The following MAPK8 variants were observed in gnomAD, a reference collection of about 807,000 sequenced individuals.
The protein encoded by MAPK8 is JUN N-terminal kinase.
A neutral mutation model predicts 52.9 loss-of-function variants in MAPK8; 13 were observed. That is an observed-to-expected ratio of 0.25 (90% CI 0.16 to 0.39). The LOEUF is 0.39. Among genes scored for constraint, MAPK8 ranks in the 10% least tolerant of loss-of-function variants. The probability of loss-of-function intolerance (pLI) is 1.00; values close to 1 mark genes in which losing one functional copy is unlikely to be tolerated. For synonymous variants in MAPK8, 191 were observed against 169.8 expected, an observed-to-expected ratio of 1.12 and a Z score of -0.97; for missense variants, 300 against 519.2, an observed-to-expected ratio of 0.58 and a Z score of 4.10.
intron 1 of MAPK8, among the ~76,000 whole-genome samples, chr10:48,325,301 T>G (rs1843405033): frequency 6.6e-6 from 1 of 152,216 alleles, no homozygotes; most frequent in South Asian, 2.1e-4. Flanking sequence ...CCTTTCCCTC[T>G]TGTCAACTGG....
chr10:48,354,619 A>G (rs1344452782), intron 1 of MAPK8, among the ~76,000 whole-genome samples: 4 of 152,224 alleles, frequency 2.6e-5, no homozygotes, highest in South Asian at 4.1e-4. Flanking sequence ...TGTACCTCTA[A>G]TAAGTTTCCA....
intron 1 of MAPK8, among the ~76,000 whole-genome samples, chr10:48,322,441 T>C (rs1843091271): frequency 6.6e-6 from 1 of 152,198 alleles, no homozygotes; most frequent in South Asian, 2.1e-4. Context: ...AGAGAGGATT[T>C]TTGTTGACTT....
chr10:48,399,032 C>G (rs562580535), intron 1 of MAPK8, among the ~76,000 whole-genome samples: 2 of 152,252 alleles, frequency 1.3e-5, no homozygotes, highest in South Asian at 4.1e-4. Flanking sequence ...GCCTAGAAAG[C>G]TCTCTCCTCT....
intron 1 of MAPK8, among the ~76,000 whole-genome samples, chr10:48,365,857 C>T (rs1847983079): frequency 6.6e-6 from 1 of 152,248 alleles, no homozygotes; most frequent in African/African-American, 2.4e-5. Context: ...TTACAATTAT[C>T]TCTTGATGAA....
intron 1 of MAPK8, among the ~76,000 whole-genome samples, chr10:48,316,727 A>G (rs1447416950): frequency 1.3e-5 from 2 of 152,196 alleles, no homozygotes; most frequent in African/African-American, 4.8e-5. Context: ...TTATAAAATT[A>G]TATGGTAGTT....
intron 9 of MAPK8, chr10:48,426,842 T>A: frequency 2.0e-6 from 1 of 491,248 alleles, no homozygotes; most frequent in Non-Finnish European, 3.6e-6. Context: ...GTGATATAAA[T>A]AAAATGTGGC....
chr10:48,313,278 C>T (rs1267207390), intron 1 of MAPK8, among the ~76,000 whole-genome samples: 1 of 152,096 alleles, frequency 6.6e-6, no homozygotes, highest in East Asian at 1.9e-4. Flanking sequence ...ACTAAAAATA[C>T]AAAAATTAGC....
intron 1 of MAPK8, among the ~76,000 whole-genome samples, chr10:48,318,586 A>C (rs1842714166): frequency 6.6e-6 from 1 of 152,202 alleles, no homozygotes; most frequent in Non-Finnish European, 1.5e-5. Context: ...CAAGTATGAC[A>C]ATTATTGACA....
intron 1 of MAPK8, among the ~76,000 whole-genome samples, chr10:48,383,166 T>G (rs551527355): frequency 6.6e-6 from 1 of 152,174 alleles, no homozygotes; most frequent in South Asian, 2.1e-4. Context: ...AAGAAAAATT[T>G]TTATGACTTG....
At chr10:48,309,083 G>A (rs975582487) in intron 1 of MAPK8, among the ~76,000 whole-genome samples, 1 of 152,238 alleles carries the variant, frequency 6.6e-6, no homozygotes, top group Non-Finnish European at 1.5e-5. Context: ...TCAGATTCTA[G>A]TAGGGGTTAC....
At chr10:48,330,534 G>A (rs755688167) in intron 1 of MAPK8, among the ~76,000 whole-genome samples, 1 of 152,176 alleles carries the variant, frequency 6.6e-6, no homozygotes, top group African/African-American at 2.4e-5. Flanking sequence ...GTAGAACAAT[G>A]TGTGAGAAAC....
chr10:48,404,276 CCT>C (rs2042336440), intron 2 of MAPK8, among the ~76,000 whole-genome samples: 2 of 151,594 alleles, frequency 1.3e-5, no homozygotes, highest in Admixed American at 1.3e-4. Flanking sequence ...CTTGCCTTAG[CCT>C]CTCAAGTAGC....
intron 5 of MAPK8, among the ~76,000 whole-genome samples, chr10:48,412,627 T>C (rs2042819909): frequency 6.6e-6 from 1 of 152,228 alleles, no homozygotes; most frequent in African/African-American, 2.4e-5. Flanking sequence ...GCCTTAACCA[T>C]GTTTTCAAGG....
At chr10:48,323,840 T>A (rs1015621950) in intron 1 of MAPK8, among the ~76,000 whole-genome samples, 1 of 152,206 alleles carries the variant, frequency 6.6e-6, no homozygotes, top group African/African-American at 2.4e-5. Context: ...TTTAGTAAAA[T>A]GATGCCCTCT....
intron 1 of MAPK8, among the ~76,000 whole-genome samples, chr10:48,370,949 A>T (rs1848481445): frequency 6.6e-6 from 1 of 152,110 alleles, no homozygotes. Context: ...TTTAAGGAGT[A>T]AGAAATAGAG....
Position 48,355,992 on chromosome 10 carries a change from C to T in MAPK8, c.-49-45620C>T, listed in dbSNP as rs188368806. On this transcript the variant is annotated intron_variant, in intron 1 of 11. Transcript: ENST00000374189. ...GAGAATAAATCCAGGGAAATTCATA[C>T]GTTTCTTGCAGACAAAAACTGAGCA... Among the ~76,000 whole-genome samples the T allele has an allele frequency of 9.2e-5, 14 of 152,248 alleles. No homozygotes were observed. In the East Asian group the frequency reaches 1.5e-3, roughly 17 times the overall value.
chr10:48,394,580 A>G (rs2041796540), intron 1 of MAPK8, among the ~76,000 whole-genome samples: 1 of 151,906 alleles, frequency 6.6e-6, no homozygotes, highest in Non-Finnish European at 1.5e-5. Flanking sequence ...TTTAAAGGGA[A>G]CTTTCTCAAC....
At chr10:48,426,215 GT>G (rs1055387399) in intron 8 of MAPK8, 145 bp downstream of exon 8, 268 of 829,316 alleles carry the variant, frequency 3.2e-4, no homozygotes, top group Middle Eastern at 3.8e-4. Flanking sequence ...TGAGGTTTTT[GT>G]TTTTTTTTTC....
intron 1 of MAPK8, among the ~76,000 whole-genome samples, chr10:48,381,231 T>A (rs1331622432): frequency 6.6e-6 from 1 of 152,198 alleles, no homozygotes; most frequent in Non-Finnish European, 1.5e-5. Context: ...TCATGAATCT[T>A]TTATAAACTC....
Sources: allele counts gnomAD v4.1 joint callset (sites outside exome capture counted in the v4.1 genomes callset), GRCh38; gene constraint gnomAD v4.1.1; transcripts MANE v1.5; gene names NCBI Gene and HGNC (gene_info 2026-07-23, HGNC 2026-07-21).